ANK3: variants seen among roughly 807,000 people sequenced by gnomAD.
ANK3 encodes ankyrin-3.
A neutral mutation model predicts 370.9 loss-of-function variants in ANK3; 57 were observed. That is an observed-to-expected ratio of 0.15 (90% CI 0.12 to 0.19). The LOEUF is 0.19. ANK3 is among the 10% of genes least tolerant of loss of function. The pLI, the probability that ANK3 is intolerant of heterozygous loss-of-function variation, is 1.00. For missense variants in ANK3, 4,439 were observed against 5,302.1 expected (o/e 0.84, Z 5.06); for synonymous variants, 1,929 against 1,946.3 (o/e 0.99, Z 0.23).
chr10:60,579,551 T>C (rs752612245), intron 2 of ANK3, among the ~76,000 whole-genome samples: 1 of 152,066 alleles, frequency 6.6e-6, no homozygotes, highest in Non-Finnish European at 1.5e-5. Flanking sequence ...TCAAAAATGA[T>C]ACTGACATTA....
chr10:60,454,846 C>A (rs1424457910), intron 2 of ANK3, among the ~76,000 whole-genome samples: 4 of 152,060 alleles, frequency 2.6e-5, no homozygotes, highest in Non-Finnish European at 5.9e-5. Context: ...CATAGTGAAA[C>A]CTTATATAGC....
In ANK3 at chr10:60,084,792, A is replaced by G. The variant is rs2086249084; in HGVS notation, c.3884T>C (p.Val1295Ala). The change falls in exon 32 of 44, where the codon GTG becomes GCG. Residue 1295 changes from valine (V) to alanine (A), a missense_variant. By Grantham distance (64) the Val-to-Ala change is moderately conservative. Transcript: ENST00000280772. ...TCTGTACAGTTGCGTGGCTAACCCC[A>G]CAGTTTCTAAAACTTGATGGCAGTC... ...LADCHQVLET[V>A]GLATQLYREL... 6.3e-7 allele frequency: 1 copy of G among 1,575,562 alleles called. No individual in the cohort carries two copies. Among genetic ancestry groups the G allele is most frequent in the Non-Finnish European group, 8.6e-7 (1 of 1,163,012 alleles).
intron 2 of ANK3, among the ~76,000 whole-genome samples, chr10:60,541,807 A>G (rs1215983388): frequency 1.3e-5 from 2 of 151,972 alleles, no homozygotes; most frequent in African/African-American, 4.8e-5. Context: ...CCAAAAAGCT[A>G]AATTGGGAAA....
At chr10:60,452,672 C>G (rs2064640647) in intron 2 of ANK3, among the ~76,000 whole-genome samples, 1 of 152,218 alleles carries the variant, frequency 6.6e-6, no homozygotes, top group Non-Finnish European at 1.5e-5. Context: ...AAGCTCCATC[C>G]AATTATGTGA....
chr10:60,575,340 A>G (rs377663068), intron 2 of ANK3, among the ~76,000 whole-genome samples: 1 of 98,494 alleles, frequency 1.0e-5, no homozygotes, highest in East Asian at 5.0e-4. Flanking sequence ...GGTTGGATGG[A>G]AAAAAAAAAA....
chr10:60,698,158 C>T (rs1303375694), intron 1 of ANK3, among the ~76,000 whole-genome samples: 2 of 151,500 alleles, frequency 1.3e-5, no homozygotes, highest in African/African-American at 2.4e-5. Context: ...AAAATGCTCA[C>T]CATCAGTGGC....
At chr10:60,368,880 A>G (rs2059745563) in intron 1 of ANK3, among the ~76,000 whole-genome samples, 1 of 152,188 alleles carries the variant, frequency 6.6e-6, no homozygotes, top group South Asian at 2.1e-4. Flanking sequence ...AAGAATTAAC[A>G]TTAAGATCCA....
At chr10:60,363,981 T>TG (rs201643591) in intron 1 of ANK3, among the ~76,000 whole-genome samples, 15,276 of 148,592 alleles carry the variant, frequency 0.1, 959 homozygotes, top group South Asian at 0.16. Context: ...TTTTTTTTTT[T>TG]TTTTTTTTTT....
intron 25 of ANK3, among the ~76,000 whole-genome samples, chr10:60,121,824 A>G (rs2132137686): frequency 6.6e-6 from 1 of 152,348 alleles, no homozygotes; most frequent in Non-Finnish European, 1.5e-5. Flanking sequence ...CAAAGGACAA[A>G]TGCTTGAGGT....
chr10:60,395,651 T>G (rs2132888406), intron 2 of ANK3, among the ~76,000 whole-genome samples: 1 of 150,074 alleles, frequency 6.7e-6, no homozygotes. Context: ...TCTCTCTCTC[T>G]TTCTTTCTTT....
intron 2 of ANK3, among the ~76,000 whole-genome samples, chr10:60,590,867 T>C (rs1193291346): frequency 2.6e-5 from 4 of 152,256 alleles, no homozygotes; most frequent in Non-Finnish European, 5.9e-5. Flanking sequence ...TATTGTTGTA[T>C]TGTTATTTTT....
intron 1 of ANK3, among the ~76,000 whole-genome samples, chr10:60,695,435 C>T (rs2079432053): frequency 6.6e-6 from 1 of 152,164 alleles, no homozygotes; most frequent in Non-Finnish European, 1.5e-5. Context: ...CACCCCAAAT[C>T]AACAGAATAT....
intron 1 of ANK3, among the ~76,000 whole-genome samples, chr10:60,672,827 T>C (rs74155661): frequency 1.3e-5 from 2 of 152,098 alleles, no homozygotes; most frequent in Non-Finnish European, 2.9e-5. Context: ...GCACTTAACC[T>C]GGAAAAGCTG....
At chr10:60,171,872 A>G (rs2132311732) in intron 21 of ANK3, among the ~76,000 whole-genome samples, 1 of 152,320 alleles carries the variant, frequency 6.6e-6, no homozygotes, top group African/African-American at 2.4e-5. Context: ...AAACAATGTA[A>G]ACATTTTTTT....
At chr10:60,336,737 T>A (rs2053050138) in intron 1 of ANK3, among the ~76,000 whole-genome samples, 1 of 152,220 alleles carries the variant, frequency 6.6e-6, no homozygotes, top group African/African-American at 2.4e-5. Flanking sequence ...AGCCAGCATA[T>A]CTACTGATGC....
At chr10:60,139,211 C>T in intron 23 of ANK3, 124 bp from the exon 24 acceptor site, 2 of 1,189,498 alleles carry the variant, frequency 1.7e-6, no homozygotes, top group East Asian at 2.4e-5. Context: ...TCCCCTATCA[C>T]CTGGATAATT....
intron 2 of ANK3, among the ~76,000 whole-genome samples, chr10:60,546,402 T>C (rs12250498): frequency 0.021 from 3,271 of 152,320 alleles, 132 homozygotes; most frequent in African/African-American, 0.074. Context: ...GCAATATTAT[T>C]GCAATTCTTT....
At chr10:60,113,267 A>T (rs2092842321) in intron 26 of ANK3, among the ~76,000 whole-genome samples, 1 of 151,962 alleles carries the variant, frequency 6.6e-6, no homozygotes, top group African/African-American at 2.4e-5. Flanking sequence ...CTTAATTGTA[A>T]TTTTACTTCA....
intron 1 of ANK3, among the ~76,000 whole-genome samples, chr10:60,670,346 C>A (rs1367390229): frequency 6.6e-6 from 1 of 152,136 alleles, no homozygotes; most frequent in Non-Finnish European, 1.5e-5. Context: ...CCACCACCCT[C>A]AGAACTGCTC....
Sources: gnomAD v4.1 joint callset for allele counts (sites outside exome capture counted in the v4.1 genomes callset) on GRCh38, gnomAD v4.1.1 for gene constraint, MANE v1.5 for transcripts, NCBI Gene and HGNC (gene_info 2026-07-23, HGNC 2026-07-21) for gene names.